The following FMN1 variants were observed in gnomAD, a reference collection of about 807,000 sequenced individuals.
The protein encoded by FMN1 is formin 1.
In FMN1, 110 loss-of-function variants were observed where a neutral mutation model predicts 132.4. The observed-to-expected ratio is 0.83, with a 90% CI of 0.71 to 0.97. FMN1 has a LOEUF of 0.97. FMN1 is among the 50% of genes least tolerant of loss of function. FMN1 has a pLI of 0.00. For synonymous variants in FMN1, 722 were observed against 651.7 expected (o/e 1.11, Z -1.64); for missense variants, 1,792 against 1,705.3 (o/e 1.05, Z -0.90).
chr15:32,920,793 G>A (rs1317646166), intron 10 of FMN1, among the ~76,000 whole-genome samples: 1 of 152,202 alleles, frequency 6.6e-6, no homozygotes, highest in Non-Finnish European at 1.5e-5. Context: ...CCTTGCATCT[G>A]ATGTGAGCAA....
chr15:33,014,121 A>G (rs377735380), intron 6 of FMN1, among the ~76,000 whole-genome samples: 8 of 152,340 alleles, frequency 5.3e-5, no homozygotes, highest in Middle Eastern at 3.4e-3. Context: ...CAGCATGTAG[A>G]AGGAGGAAGC....
At position 32,888,211 on chromosome 15, in the gene FMN1, G is replaced by C; in HGVS notation, c.3796C>G (p.Leu1266Val). 1 of 1,612,712 alleles carries C rather than the reference G, an allele frequency of 6.2e-7. No individual in the cohort carries two copies. ...FLASQVKFED[L>V]IKDLRKLKRQ... ...TTCAGTTTTCTCAAATCTTTTATGA[G>C]GTCTTCAAACTTGACTTGGGAGGCC... Residue 1266 changes from leucine to valine, a missense_variant, in exon 16 of 21, where the codon CTC becomes GTC. Physicochemically the swap from Leu to Val is conservative, Grantham distance 32 (BLOSUM62 1). This residue lies in a region of FMN1 where 1,150 missense variants were observed against 1,043.1 expected (regional missense o/e 1.10). Coordinates refer to ENST00000616417, the MANE Select transcript of FMN1 (RefSeq NM_001277313.2).
chr15:32,811,472 G>T (rs1310805653), intron 17 of FMN1, among the ~76,000 whole-genome samples: 1 of 151,998 alleles, frequency 6.6e-6, no homozygotes, highest in African/African-American at 2.4e-5. Context: ...TAGGCTTTTG[G>T]TGAAAGTACC....
At chr15:33,150,116 A>T (rs1327747029) in intron 4 of FMN1, 2 of 985,344 alleles carry the variant, frequency 2.0e-6, no homozygotes, top group African/African-American at 3.5e-5. Context: ...GAGCATACTA[A>T]AGATTGGGCA....
At chr15:33,158,499 G>C (rs1290828244) in intron 3 of FMN1, among the ~76,000 whole-genome samples, 1 of 151,626 alleles carries the variant, frequency 6.6e-6, no homozygotes, top group Admixed American at 6.6e-5. Context: ...CTTCCATACA[G>C]AATGCTCTTA....
chr15:33,097,365 A>T (rs903861447), intron 4 of FMN1, among the ~76,000 whole-genome samples: 2 of 152,030 alleles, frequency 1.3e-5, no homozygotes, highest in Admixed American at 6.6e-5. Context: ...ATACTTAAAG[A>T]AGTATTGGCT....
chr15:33,018,699 T>G (rs933374302), intron 6 of FMN1, among the ~76,000 whole-genome samples: 6 of 152,162 alleles, frequency 3.9e-5, no homozygotes, highest in Non-Finnish European at 7.3e-5. Context: ...CTGCGGACCC[T>G]TGCCATGACT....
At chr15:32,908,320 G>A (rs893023417) in intron 12 of FMN1, 170 bp downstream of exon 12, 4 of 553,048 alleles carry the variant, frequency 7.2e-6, no homozygotes, top group African/African-American at 3.8e-5. Flanking sequence ...TCTCAGCGCT[G>A]CTTTTCCCGG....
intron 6 of FMN1, among the ~76,000 whole-genome samples, chr15:33,039,894 C>A (rs2036350605): frequency 6.6e-6 from 1 of 152,166 alleles, no homozygotes; most frequent in Non-Finnish European, 1.5e-5. Flanking sequence ...CTTCCTACTT[C>A]CCCACTGCCG....
intron 3 of FMN1, among the ~76,000 whole-genome samples, chr15:33,173,878 G>A (rs1304362366): frequency 4.6e-5 from 7 of 152,058 alleles, no homozygotes; most frequent in East Asian, 1.9e-4. Flanking sequence ...GCAGTGAGCC[G>A]AAATTGCGCC....
At chr15:33,175,349 G>A (rs551638002) in intron 3 of FMN1, among the ~76,000 whole-genome samples, 14 of 152,250 alleles carry the variant, frequency 9.2e-5, no homozygotes, top group East Asian at 3.9e-4. Context: ...GATTACAGGC[G>A]TAAGCCACCA....
intron 5 of FMN1, chr15:33,068,118 C>A: frequency 9.3e-7 from 1 of 1,070,192 alleles, no homozygotes; most frequent in Non-Finnish European, 1.2e-6. Context: ...AGTCTATGCC[C>A]AGAAGCAGCC....
chr15:33,001,568 C>A (rs1218795806), intron 7 of FMN1, among the ~76,000 whole-genome samples: 1 of 105,898 alleles, frequency 9.4e-6, no homozygotes, highest in African/African-American at 3.5e-5. Flanking sequence ...CTCCCACTTC[C>A]CCCCCCACCT....
chr15:32,969,444 C>G lies in FMN1; in HGVS notation c.2257G>C (p.Gly753Arg). 6.2e-7 allele frequency: 1 copy of G among 1,613,838 alleles called. No homozygotes were observed. ...QFELRAFHIR[G>R]EHAMITARLE... ...CTCGCTGTTATCATTGCATGCTCGC[C>G]CCGGATATGAAATGCCCGAAGTTCA... The change falls in exon 8 of 21, where the codon GGC becomes CGC. Residue 753 changes from glycine (G) to arginine (R), a missense_variant. By Grantham distance (125) the Gly-to-Arg change is moderately radical. Coordinates refer to ENST00000616417, the MANE Select transcript of FMN1 (RefSeq NM_001277313.2).
At chr15:32,803,382 CAACT>C (rs762347339) in intron 18 of FMN1, among the ~76,000 whole-genome samples, 3 of 152,088 alleles carry the variant, frequency 2.0e-5, no homozygotes, top group African/African-American at 7.2e-5. Flanking sequence ...CTAACCTGGT[CAACT>C]AACAAAAAGG....
chr15:33,082,204 C>A (rs2038507953), intron 5 of FMN1, among the ~76,000 whole-genome samples: 1 of 151,508 alleles, frequency 6.6e-6, no homozygotes, highest in African/African-American at 2.4e-5. Context: ...TCCCGAGCAT[C>A]TGGGATTACA....
chr15:33,078,207 CAT>C (rs2038300367), intron 5 of FMN1, among the ~76,000 whole-genome samples: 1 of 152,140 alleles, frequency 6.6e-6, no homozygotes, highest in South Asian at 2.1e-4. Context: ...ATACTTAACT[CAT>C]AGAATAGTTC....
chr15:33,041,128 CA>C (rs979896639), intron 6 of FMN1, among the ~76,000 whole-genome samples: 4 of 120,992 alleles, frequency 3.3e-5, no homozygotes, highest in African/African-American at 1.3e-4. Flanking sequence ...AAATATAAAT[CA>C]CTAAACAGAT....
chr15:33,110,988 A>G (rs577668054), intron 4 of FMN1, among the ~76,000 whole-genome samples: 1 of 152,298 alleles, frequency 6.6e-6, no homozygotes, highest in South Asian at 2.1e-4. Flanking sequence ...ATGAGTTAAC[A>G]CATGTGAAAA....
Sources: allele counts gnomAD v4.1 joint callset (sites outside exome capture counted in the v4.1 genomes callset), GRCh38; gene constraint gnomAD v4.1.1; regional missense constraint gnomAD v4.1.1; transcripts MANE v1.5; gene names NCBI Gene and HGNC (gene_info 2026-07-23, HGNC 2026-07-21).